TNS3: variants seen among roughly 807,000 people sequenced by gnomAD.
The protein encoded by TNS3 is tensin 3, also known as tensin-3.
A neutral mutation model predicts 140.9 loss-of-function variants in TNS3; 45 were observed. That is an observed-to-expected ratio of 0.32 (90% CI 0.25 to 0.41). The LOEUF is 0.41. TNS3 is among the 10% of genes least tolerant of loss of function. TNS3 has a pLI of 1.00. For synonymous variants in TNS3, 815 were observed against 788.4 expected (o/e 1.03, Z -0.56); for missense variants, 1,716 against 1,906.7 (o/e 0.90, Z 1.86).
intron 12 of TNS3, among the ~76,000 whole-genome samples, 191 bp downstream of exon 12, chr7:47,413,746 A>C (rs1793917387): frequency 6.6e-6 from 1 of 151,902 alleles, no homozygotes; most frequent in Non-Finnish European, 1.5e-5. Context: ...GGCAGGAGGG[A>C]GGGCCAAGGC....
chr7:47,328,629 C>G (rs1788162672), intron 20 of TNS3, among the ~76,000 whole-genome samples: 2 of 152,162 alleles, frequency 1.3e-5, no homozygotes, highest in African/African-American at 4.8e-5. Context: ...GTCCTCTGCC[C>G]CCCACCCCGG....
intron 1 of TNS3, among the ~76,000 whole-genome samples, chr7:47,530,503 C>T (rs1473161947): frequency 6.6e-6 from 1 of 151,722 alleles, no homozygotes; most frequent in Non-Finnish European, 1.5e-5. Context: ...AGGAGGAAAA[C>T]TATAAACCCA....
At chr7:47,519,259 C>G (rs139857902) in intron 2 of TNS3, among the ~76,000 whole-genome samples, 26 of 137,994 alleles carry the variant, frequency 1.9e-4, no homozygotes, top group African/African-American at 6.8e-4. Flanking sequence ...GATATCCCCC[C>G]CCAACACAAG....
intron 6 of TNS3, among the ~76,000 whole-genome samples, chr7:47,438,139 G>A (rs1017168781): frequency 1.3e-5 from 2 of 152,206 alleles, no homozygotes; most frequent in Admixed American, 1.3e-4. Context: ...AGAGATGTGA[G>A]GAAAGTGGAG....
intron 27 of TNS3, among the ~76,000 whole-genome samples, chr7:47,288,073 G>A (rs955560050): frequency 2.6e-5 from 4 of 152,212 alleles, no homozygotes; most frequent in African/African-American, 4.8e-5. Flanking sequence ...CACACTTACT[G>A]GGTGAATGCA....
At chr7:47,486,373 T>C (rs1013162645) in intron 3 of TNS3, among the ~76,000 whole-genome samples, 3 of 152,006 alleles carry the variant, frequency 2.0e-5, no homozygotes, top group Non-Finnish European at 4.4e-5. Context: ...AGCGTGTCTG[T>C]GTGTGTCTCC....
At chr7:47,360,830 C>T (rs1258853749) in intron 17 of TNS3, among the ~76,000 whole-genome samples, 1 of 152,160 alleles carries the variant, frequency 6.6e-6, no homozygotes, top group East Asian at 1.9e-4. Flanking sequence ...CAGGATGATG[C>T]CCATAACTGG....
chr7:47,453,725 G>A (rs919425956), intron 4 of TNS3, among the ~76,000 whole-genome samples: 12 of 152,354 alleles, frequency 7.9e-5, no homozygotes, highest in East Asian at 3.9e-4. Context: ...GGCACCAGAC[G>A]GTTCTGAGTT....
chr7:47,344,673 G>A, intron 20 of TNS3, 82 bp downstream of exon 20: 2 of 1,228,554 alleles, frequency 1.6e-6, no homozygotes, highest in Non-Finnish European at 2.3e-6. Context: ...TTCTGCATAC[G>A]AGTTCTTCTC....
chr7:47,356,938 AT>A (rs1790029480), intron 17 of TNS3, among the ~76,000 whole-genome samples: 1 of 151,150 alleles, frequency 6.6e-6, no homozygotes, highest in South Asian at 2.1e-4. Context: ...AAAAAAAAAA[AT>A]GATCCAGGCA....
chr7:47,377,710 C>CCCTCCTCCCCTTCCTCCTCCTTCT (rs1791483504), intron 16 of TNS3, among the ~76,000 whole-genome samples: 2 of 113,862 alleles, frequency 1.8e-5, no homozygotes, highest in Non-Finnish European at 3.7e-5. Flanking sequence ...CTCTTTTTCC[C>CCCTCCTCCCCTTCCTCCTCCTTCT]CCTCCTCCCT....
intron 1 of TNS3, among the ~76,000 whole-genome samples, chr7:47,552,955 C>G (rs1800101787): frequency 6.6e-6 from 1 of 152,184 alleles, no homozygotes; most frequent in East Asian, 1.9e-4. Flanking sequence ...GATAAGAAAG[C>G]AAAACAGCCT....
At chr7:47,311,286 A>G (rs1787075240) in intron 20 of TNS3, among the ~76,000 whole-genome samples, 1 of 152,172 alleles carries the variant, frequency 6.6e-6, no homozygotes, top group Non-Finnish European at 1.5e-5. Flanking sequence ...GGATAGCATT[A>G]AGAGAAATAC....
chr7:47,317,583 C>T (rs564777843), intron 20 of TNS3, among the ~76,000 whole-genome samples: 1 of 152,296 alleles, frequency 6.6e-6, no homozygotes, highest in South Asian at 2.1e-4. Flanking sequence ...CTAAGTGAGG[C>T]CAGTTCCTCC....
At chr7:47,523,897 G>GC (rs1344671591) in intron 2 of TNS3, among the ~76,000 whole-genome samples, 1 of 152,242 alleles carries the variant, frequency 6.6e-6, no homozygotes, top group East Asian at 1.9e-4. Flanking sequence ...AGGGCTCAAG[G>GC]CAGAAGAGCT....
intron 10 of TNS3, among the ~76,000 whole-genome samples, chr7:47,420,600 G>A (rs1412982675): frequency 6.6e-6 from 1 of 152,204 alleles, no homozygotes; most frequent in East Asian, 1.9e-4. Context: ...GAAGAATCAC[G>A]GGAAAGGGGC....
At chr7:47,418,203 G>C (rs1159362344) in intron 10 of TNS3, among the ~76,000 whole-genome samples, 1 of 152,214 alleles carries the variant, frequency 6.6e-6, no homozygotes, top group East Asian at 1.9e-4. Flanking sequence ...ACAGGAAGCT[G>C]AGGCATGAGA....
At chr7:47,338,810 C>T (rs966658372) in intron 20 of TNS3, among the ~76,000 whole-genome samples, 1 of 152,162 alleles carries the variant, frequency 6.6e-6, no homozygotes, top group Non-Finnish European at 1.5e-5. Flanking sequence ...CATACAAGTG[C>T]ATGCGTCTTT....
chr7:47,340,116 T>TATATATATATATATA (rs1491157255), intron 20 of TNS3, among the ~76,000 whole-genome samples: 5 of 16,476 alleles, frequency 3.0e-4, no homozygotes, highest in Non-Finnish European at 5.6e-4. Flanking sequence ...TATATATATA[T>TATATATATATATATA]TTTTTTTTTT....
Sources: allele counts gnomAD v4.1 joint callset (sites outside exome capture counted in the v4.1 genomes callset), GRCh38; gene constraint gnomAD v4.1.1; transcripts MANE v1.5; gene names NCBI Gene and HGNC (gene_info 2026-07-23, HGNC 2026-07-21).